Variants in RNF17 observed in about 807,000 individuals in gnomAD.
RNF17 encodes the protein spermatogenesis associated 23.
Under a neutral mutation model 200.5 loss-of-function variants are expected in RNF17, and 31 were observed. The observed-to-expected ratio is 0.15, with a 90% confidence interval of 0.12 to 0.21. RNF17 has a LOEUF of 0.21. RNF17 is among the 10% of genes least tolerant of loss of function. RNF17 has a pLI of 1.00. For missense variants in RNF17, 1,628 were observed against 1,905.1 expected, an observed-to-expected ratio of 0.85 and a Z score of 2.71; for synonymous variants, 606 against 637.8, an observed-to-expected ratio of 0.95 and a Z score of 0.75.
chr13:24,801,616 T>C (rs532762560), intron 13 of RNF17, among the ~76,000 whole-genome samples: 4 of 152,276 alleles, frequency 2.6e-5, no homozygotes, highest in East Asian at 3.9e-4. Context: ...AGTAAGACCC[T>C]GTCTCAAAAG....
chr13:24,886,055 G>A, the RNF17 span: 2 of 364,348 alleles, frequency 5.5e-6, no homozygotes, highest in Non-Finnish European at 5.3e-6. Context: ...TTGTGGCTAT[G>A]GTATAAACTT....
intron 35 of RNF17, 124 bp from the exon 36 acceptor site, chr13:24,879,613 A>G (rs1895232024): frequency 1.0e-5 from 2 of 195,060 alleles, no homozygotes; most frequent in African/African-American, 4.6e-5. Context: ...AGCAGTCACC[A>G]TCCTCATACC....
At chr13:24,827,596 G>A (rs1451001233) in intron 16 of RNF17, among the ~76,000 whole-genome samples, 1 of 149,230 alleles carries the variant, frequency 6.7e-6, no homozygotes, top group African/African-American at 2.5e-5. Flanking sequence ...CAGCTACTTG[G>A]GAGGCTGAGG....
chr13:24,883,117 A>C, downstream of RNF17: 1 of 1,392,090 alleles, frequency 7.2e-7, no homozygotes, highest in Middle Eastern at 1.8e-4. Flanking sequence ...ATCCACAGTA[A>C]ATGTACATTT....
intron 28 of RNF17, among the ~76,000 whole-genome samples, chr13:24,863,318 A>G (rs1338538392): frequency 1.3e-5 from 2 of 152,238 alleles, no homozygotes; most frequent in African/African-American, 4.8e-5. Flanking sequence ...AGCCCTTGTA[A>G]TGTTCTCCTG....
At chr13:24,871,053 G>A (rs1894199821) in intron 32 of RNF17, among the ~76,000 whole-genome samples, 1 of 152,196 alleles carries the variant, frequency 6.6e-6, no homozygotes, top group African/African-American at 2.4e-5. Context: ...AATTGCAAGA[G>A]TTGTCATTCA....
At chr13:24,820,550 G>A (rs754980585) in intron 15 of RNF17, among the ~76,000 whole-genome samples, 8 of 151,896 alleles carry the variant, frequency 5.3e-5, no homozygotes, top group Non-Finnish European at 1.0e-4. Context: ...ATTCTTCTGC[G>A]TCAGCCTCTT....
At chr13:24,836,173 CTT>C (rs1290594761) in intron 18 of RNF17, among the ~76,000 whole-genome samples, 11 of 152,182 alleles carry the variant, frequency 7.2e-5, no homozygotes, top group African/African-American at 2.7e-4. Flanking sequence ...AAACCATAGA[CTT>C]CTCTTCTTCC....
downstream of RNF17, among the ~76,000 whole-genome samples, chr13:24,881,236 T>C (rs1449499437): frequency 6.6e-6 from 1 of 151,904 alleles, no homozygotes; most frequent in African/African-American, 2.4e-5. Context: ...AACCTCTGCC[T>C]CCTGAGTTCA....
intron 15 of RNF17, among the ~76,000 whole-genome samples, chr13:24,824,693 T>A (rs1888439232): frequency 6.6e-6 from 1 of 152,208 alleles, no homozygotes; most frequent in Admixed American, 6.5e-5. Context: ...GGAAGAATTA[T>A]CAATTCACAT....
intron 6 of RNF17, among the ~76,000 whole-genome samples, chr13:24,785,381 GT>G (rs1162250409): frequency 2.0e-5 from 3 of 152,046 alleles, no homozygotes; most frequent in Admixed American, 1.3e-4. Flanking sequence ...ATCTTCCGGG[GT>G]TTTTTTCCTG....
chr13:24,767,230 C>A (rs750946188), intron 1 of RNF17, 42 bp from the exon 2 acceptor site: 26 of 1,322,734 alleles, frequency 2.0e-5, no homozygotes, highest in Middle Eastern at 1.8e-4. Context: ...TCTCAATAAT[C>A]ATCATCATCA....
chr13:24,848,740 A>G (rs1449864140), intron 22 of RNF17, among the ~76,000 whole-genome samples: 1 of 152,192 alleles, frequency 6.6e-6, no homozygotes, highest in Non-Finnish European at 1.5e-5. Context: ...CATCTTCCCT[A>G]ACTGAAATTC....
At chr13:24,812,976 C>G (rs1177341876) in intron 15 of RNF17, among the ~76,000 whole-genome samples, 5 of 151,956 alleles carry the variant, frequency 3.3e-5, no homozygotes. Context: ...GCCACCGCGC[C>G]CGGCCAATAG....
At chr13:24,805,192 C>T (rs1387257337) in intron 15 of RNF17, among the ~76,000 whole-genome samples, 1 of 152,102 alleles carries the variant, frequency 6.6e-6, no homozygotes, top group Non-Finnish European at 1.5e-5. Flanking sequence ...TGATTTTTTA[C>T]AGCGTCTTTT....
At chr13:24,855,223 CAT>C (rs757385234) in intron 25 of RNF17, among the ~76,000 whole-genome samples, 6 of 152,060 alleles carry the variant, frequency 3.9e-5, no homozygotes, top group South Asian at 2.1e-4. Flanking sequence ...TTGATAGACA[CAT>C]GTGTTTCTAG....
At chr13:24,810,908 T>A (rs1886517917) in intron 15 of RNF17, among the ~76,000 whole-genome samples, 2 of 149,564 alleles carry the variant, frequency 1.3e-5, no homozygotes, top group Admixed American at 6.6e-5. Flanking sequence ...TGAAGCTTAG[T>A]TTGGCTGGAT....
intron 4 of RNF17, 50 bp from the exon 5 acceptor site, chr13:24,779,617 G>T: frequency 7.2e-7 from 1 of 1,384,622 alleles, no homozygotes; most frequent in Non-Finnish European, 1.0e-6. Context: ...ATATGTCTAG[G>T]CATCTGTTTT....
chr13:24,779,064 G>C (rs542269880), intron 4 of RNF17, among the ~76,000 whole-genome samples: 1 of 152,024 alleles, frequency 6.6e-6, no homozygotes, highest in African/African-American at 2.4e-5. Flanking sequence ...TGCTGTGGTC[G>C]TGCACACCTG....
Sources: allele counts gnomAD v4.1 joint callset (sites outside exome capture counted in the v4.1 genomes callset), GRCh38; gene constraint gnomAD v4.1.1; transcripts MANE v1.5; gene names NCBI Gene and HGNC (gene_info 2026-07-23, HGNC 2026-07-21).